PFKP: variants seen among roughly 807,000 people sequenced by gnomAD.
PFKP encodes the protein phosphofructokinase, platelet, also known as ATP-dependent 6-phosphofructokinase, platelet type.
PFKP carries 101 observed loss-of-function variants against 94.3 expected under a neutral mutation model. The ratio of observed to expected loss-of-function variants is 1.07; its 90% CI spans 0.91 to 1.26. PFKP has a LOEUF of 1.26. Among genes scored for constraint, PFKP ranks in the 50% most tolerant of loss-of-function variants. The pLI is 0.00. For synonymous variants in PFKP, 573 were observed against 432.6 expected, an observed-to-expected ratio of 1.32 and a Z score of -4.03; for missense variants, 1,145 against 1,103.3, an observed-to-expected ratio of 1.04 and a Z score of -0.53.
At chr10:3,094,660 C>T (rs1295467399) in intron 2 of PFKP, among the ~76,000 whole-genome samples, 1 of 152,182 alleles carries the variant, frequency 6.6e-6, no homozygotes, top group Non-Finnish European at 1.5e-5. Flanking sequence ...CCTTTGAAAA[C>T]CATTGACATA....
At chr10:3,079,665 G>GGGC (rs1554758265) in intron 1 of PFKP, among the ~76,000 whole-genome samples, 1 of 109,844 alleles carries the variant, frequency 9.1e-6, no homozygotes, top group Non-Finnish European at 2.0e-5. Context: ...AGCGGGGTGG[G>GGGC]GGGGGGGGGA....
At chr10:3,087,715 T>C (rs915825829) in intron 2 of PFKP, among the ~76,000 whole-genome samples, 5 of 152,296 alleles carry the variant, frequency 3.3e-5, no homozygotes, top group Admixed American at 6.5e-5. Flanking sequence ...ATCAGCTCAT[T>C]TGAGCCCAAA....
Position 3,105,356 on chromosome 10 carries a change from C to A in PFKP, c.666-37C>A. ...CTGGGCTGCCCTCGTGGGAAGGATC[C>A]TTCTGGGGTGTTGATGCTGTTGCCT... On this transcript the variant is annotated intron_variant, in intron 6 of 21. Transcript: ENST00000381125. 1.9e-6 allele frequency: 3 copies of A among 1,546,614 alleles called. No homozygotes were observed. In the South Asian group the frequency reaches 3.3e-5, roughly 17 times the overall value.
intron 1 of PFKP, among the ~76,000 whole-genome samples, chr10:3,078,512 A>G (rs759669396): frequency 9.2e-5 from 14 of 152,324 alleles, no homozygotes; most frequent in Middle Eastern, 6.8e-3. Context: ...CTCCCAGGCA[A>G]TTAAATGAGC....
Position 3,113,537 on chromosome 10 carries a change from C to A in PFKP, c.1371+19C>A. 1 of 1,608,024 alleles carries A rather than the reference C, an allele frequency of 6.2e-7. No homozygotes were observed. The highest frequency in any genetic ancestry group is 8.5e-7 in the Non-Finnish European group (1 of 1,178,984). On this transcript the variant is annotated intron_variant, in intron 13 of 21. Coordinates refer to ENST00000381125, the MANE Select transcript of PFKP (RefSeq NM_002627.5). ...GGGCCAGGTGAGTCACCCAGGATGC[C>A]GTAGGCAGGCAGACACCCTGGCTGT...
intron 20 of PFKP, among the ~76,000 whole-genome samples, chr10:3,134,927 A>G (rs1005419282): frequency 2.0e-5 from 3 of 151,884 alleles, no homozygotes; most frequent in African/African-American, 2.4e-5. Context: ...TGCTAGGACA[A>G]CCTCCTTGTG....
rs374386634 is a variant in PFKP, at chr10:3,124,533, G to A, written c.1683+4489G>A. Among the ~76,000 whole-genome samples the A allele has an allele frequency of 1.2e-4, 18 of 152,348 alleles. No homozygotes were observed. In the East Asian group the frequency reaches 1.4e-3, roughly 11 times the overall value. ...GCCGAGGGCAGAAACGGCAGCTTCC[G>A]CCCGGAGAGCAGAGATGTGGCGTGG... On this transcript the variant is annotated intron_variant, in intron 16 of 21. Transcript: ENST00000381125.
At chr10:3,070,898 A>AATT (rs142048993) in intron 1 of PFKP, among the ~76,000 whole-genome samples, 5,057 of 140,276 alleles carry the variant, frequency 0.036, 118 homozygotes, top group African/African-American at 0.077. Context: ...ATGACCAGCT[A>AATT]ATTATTATTA....
At chr10:3,098,140 CTA>C (rs1221016468) in intron 2 of PFKP, among the ~76,000 whole-genome samples, 2 of 152,306 alleles carry the variant, frequency 1.3e-5, no homozygotes, top group South Asian at 2.1e-4. Flanking sequence ...ACTCCATAAT[CTA>C]TGAGTCATTT....
chr10:3,092,403 A>G (rs548901296), intron 2 of PFKP, among the ~76,000 whole-genome samples: 95 of 152,140 alleles, frequency 6.2e-4, no homozygotes, highest in African/African-American at 2.2e-3. Flanking sequence ...GAGGGGATGC[A>G]GAGAGGTGGA....
At chr10:3,124,179 G>A (rs952298875) in intron 16 of PFKP, among the ~76,000 whole-genome samples, 4 of 152,238 alleles carry the variant, frequency 2.6e-5, no homozygotes, top group Non-Finnish European at 5.9e-5. Flanking sequence ...TGTGGGCGCC[G>A]CCCTGTGTCC....
chr10:3,101,497 G>A lies in PFKP; in HGVS notation c.397G>A (p.Gly133Arg), dbSNP rs11542782. 1.9e-6 allele frequency: 3 copies of A among 1,596,844 alleles called. No homozygotes were observed. The highest frequency in any genetic ancestry group is 2.3e-5 in the South Asian group (2 of 88,714). ...GATCGGCGGGGACGGGAGCCTCACCGGGGCCAACCTCTTCCGGAAGGAGTG... is the reference window on the plus strand; with the variant it reads ...GATCGGCGGGGACGGGAGCCTCACCAGGGCCAACCTCTTCCGGAAGGAGTG... ...CVIGGDGSLT[G>R]ANLFRKEWSG... The change falls in exon 4 of 22, where the codon GGG becomes AGG. Residue 133 changes from glycine to arginine, a missense_variant. By Grantham distance (125) the Gly-to-Arg change is moderately radical. This residue lies in a region of PFKP where 1,119 missense variants were observed against 1,062.8 expected (regional missense o/e 1.05). Transcript: ENST00000381125.
At chr10:3,124,893 G>A (rs999044191) in intron 16 of PFKP, among the ~76,000 whole-genome samples, 7 of 152,180 alleles carry the variant, frequency 4.6e-5, no homozygotes, top group African/African-American at 1.7e-4. Flanking sequence ...GACCTGGGCT[G>A]TGCCCAGGCG....
At chr10:3,068,180 C>A (rs1831883441) in intron 1 of PFKP, among the ~76,000 whole-genome samples, 1 of 152,148 alleles carries the variant, frequency 6.6e-6, no homozygotes, top group African/African-American at 2.4e-5. Flanking sequence ...GCCCCCCCGC[C>A]CCCCAACTCC....
At chr10:3,132,289 C>G in intron 17 of PFKP, 91 bp from the exon 18 acceptor site, 1 of 904,522 alleles carries the variant, frequency 1.1e-6, no homozygotes, top group South Asian at 1.4e-5. Context: ...CACTGCCACA[C>G]TTGGTTGGCA....
intron 3 of PFKP, among the ~76,000 whole-genome samples, chr10:3,100,740 A>C (rs1460370346): frequency 2.0e-5 from 3 of 151,994 alleles, no homozygotes; most frequent in Admixed American, 2.0e-4. Context: ...TCCCACCAAC[A>C]ATTCTTAGTT....
At chr10:3,115,751 G>T (rs1376085742) in intron 13 of PFKP, among the ~76,000 whole-genome samples, 1 of 152,192 alleles carries the variant, frequency 6.6e-6, no homozygotes, top group Non-Finnish European at 1.5e-5. Flanking sequence ...CTGAGTGCAG[G>T]CAGGAGAGAG....
intron 18 of PFKP, 29 bp downstream of exon 18, chr10:3,132,470 T>C (rs1838705879): frequency 1.3e-6 from 2 of 1,488,996 alleles, no homozygotes; most frequent in African/African-American, 1.4e-5. Flanking sequence ...GGGCTGATCT[T>C]ACCCTCACCG....
At chr10:3,094,877 G>A (rs923041861) in intron 2 of PFKP, among the ~76,000 whole-genome samples, 1 of 152,134 alleles carries the variant, frequency 6.6e-6, no homozygotes, top group Non-Finnish European at 1.5e-5. Flanking sequence ...GCTTGATTCT[G>A]TAGGAAACAA....
Sources: allele counts gnomAD v4.1 joint callset (sites outside exome capture counted in the v4.1 genomes callset), GRCh38; gene constraint gnomAD v4.1.1; regional missense constraint gnomAD v4.1.1; transcripts MANE v1.5; gene names NCBI Gene and HGNC (gene_info 2026-07-23, HGNC 2026-07-21).